The following ACBD5 variants were observed in gnomAD, a reference collection of about 807,000 sequenced individuals.
ACBD5 encodes the protein acyl-CoA binding domain containing 5, also known as acyl-CoA-binding domain-containing protein 5.
A neutral mutation model predicts 71.8 loss-of-function variants in ACBD5; 40 were observed. The ratio of observed to expected loss-of-function variants is 0.56; its 90% CI spans 0.43 to 0.72. The LOEUF is 0.72. Among genes scored for constraint, ACBD5 ranks in the 30% least tolerant of loss-of-function variants. The pLI is 0.00. For synonymous variants in ACBD5, 229 were observed against 218.6 expected (o/e 1.05, Z -0.42); for missense variants, 559 against 644.5 (o/e 0.87, Z 1.44).
At chr10:27,229,850 A>C (rs911451889) in intron 4 of ACBD5, among the ~76,000 whole-genome samples, 7 of 152,220 alleles carry the variant, frequency 4.6e-5, no homozygotes, top group Admixed American at 1.3e-4. Flanking sequence ...TGAAATTTTT[A>C]AAGTGTGAAT....
intron 7 of ACBD5, 109 bp from the exon 8 acceptor site, chr10:27,215,750 A>T: frequency 1.3e-6 from 1 of 785,828 alleles, no homozygotes. Flanking sequence ...CCCAGGCTGG[A>T]GTGCAGTGGT....
chr10:27,223,246 C>T (rs778953526), intron 5 of ACBD5, 92 bp downstream of exon 5: 10 of 906,900 alleles, frequency 1.1e-5, no homozygotes, highest in Admixed American at 1.8e-5. Flanking sequence ...CGGACTGGCG[C>T]GTGAAAGTAA....
At chr10:27,233,882 TA>T (rs1319715315) in intron 3 of ACBD5, among the ~76,000 whole-genome samples, 13 of 151,994 alleles carry the variant, frequency 8.6e-5, no homozygotes, top group Non-Finnish European at 1.5e-4. Flanking sequence ...CTGTCTCTAC[TA>T]AAAATACAAA....
downstream of ACBD5, chr10:27,195,178 T>A: frequency 2.8e-6 from 1 of 354,830 alleles, no homozygotes; most frequent in South Asian, 2.3e-5. Flanking sequence ...TCTTACCTAA[T>A]CAATGGGCTA....
chr10:27,208,030 C>A (rs2060653411), intron 10 of ACBD5, among the ~76,000 whole-genome samples: 1 of 152,166 alleles, frequency 6.6e-6, no homozygotes. Context: ...CCACGGCGCC[C>A]AGCCATTTTT....
chr10:27,208,495 TA>T, intron 9 of ACBD5, 50 bp from the exon 10 acceptor site: 1 of 1,582,016 alleles, frequency 6.3e-7, no homozygotes, highest in South Asian at 1.1e-5. Context: ...CTTATACAAG[TA>T]AAACTGTGTT....
rs1347569385 is a variant in ACBD5, at chr10:27,226,104, A to G, written c.376-2652T>C. ...TTTCAGTAGTTAATATAGTGAAGAC[A>G]CAGTAGCCAAAACAAGACACATCCA... On this transcript the variant is annotated intron_variant, in intron 4 of 12. Transcript: ENST00000396271. 2.0e-5 allele frequency among the ~76,000 whole-genome samples: 3 copies of G among 152,286 alleles called. No homozygotes were observed. In the East Asian group the frequency reaches 5.8e-4, roughly 29 times the overall value.
chr10:27,238,207 C>CGCCTCAGCATCAGCCT (rs1173327565), intron 2 of ACBD5, among the ~76,000 whole-genome samples: 3 of 151,376 alleles, frequency 2.0e-5, no homozygotes, highest in Non-Finnish European at 2.9e-5. Flanking sequence ...GTGATCAGCC[C>CGCCTCAGCATCAGCCT]GCCTCAGCAT....
At chr10:27,218,256 C>T (rs772374955) in intron 6 of ACBD5, 73 bp from the exon 7 acceptor site, 45 of 1,211,380 alleles carry the variant, frequency 3.7e-5, no homozygotes, top group Non-Finnish European at 4.7e-5. Context: ...GTTTTAATAT[C>T]CAGCTGTTAT....
In ACBD5 at chr10:27,210,988, C is replaced by A. The variant is rs200245623; in HGVS notation, c.1030G>T (p.Asp344Tyr). The A allele has an allele frequency of 6.2e-7, 1 of 1,614,126 alleles. No homozygotes were observed. Reference protein sequence around the residue: ...QPMENSGFREDIQVPPGNGNI... With the variant: ...QPMENSGFREYIQVPPGNGNI... ...CCATTTCCAGGAGGTACTTGAATAT[C>A]TTCACGAAATCCAGAATTTTCCATG... Residue 344 changes from aspartate to tyrosine, a missense_variant, in exon 9 of 13, where the codon GAT (aspartate) becomes TAT (tyrosine). Asp to Tyr is a radical substitution (Grantham distance 160). Coordinates refer to ENST00000396271, the MANE Select transcript of ACBD5 (RefSeq NM_145698.5).
intron 12 of ACBD5, among the ~76,000 whole-genome samples, chr10:27,204,129 AC>A (rs1235828836): frequency 1.4e-4 from 14 of 100,398 alleles, no homozygotes; most frequent in Admixed American, 5.9e-4. Context: ...ACAAAACGGG[AC>A]CCAGTCTCAA....
chr10:27,234,730 G>T (rs374274012), intron 3 of ACBD5, among the ~76,000 whole-genome samples: 4 of 152,250 alleles, frequency 2.6e-5, no homozygotes, highest in Admixed American at 2.6e-4. Context: ...CCAGCAGTTC[G>T]AGACCAGCGT....
At chr10:27,185,404 G>A (rs563979143) in intron 13 of ACBD5, among the ~76,000 whole-genome samples, 14 of 151,820 alleles carry the variant, frequency 9.2e-5, no homozygotes, top group East Asian at 5.9e-4. Context: ...AGGCTGAGGC[G>A]GGTGGATCCC....
chr10:27,240,940 A>C, upstream of ACBD5: 1 of 595,818 alleles, frequency 1.7e-6, no homozygotes, highest in South Asian at 2.0e-5. The surrounding 1 kb of genome is among the most constrained non-coding windows in gnomAD (Gnocchi z 4.1). Flanking sequence ...GTCTGTCCCC[A>C]GAGGAGGGTC....
At chr10:27,199,592 A>G (rs1344196626) in intron 12 of ACBD5, among the ~76,000 whole-genome samples, 3 of 152,166 alleles carry the variant, frequency 2.0e-5, no homozygotes, top group Non-Finnish European at 4.4e-5. Flanking sequence ...GCACTGCTGC[A>G]ATTCCTTCCC....
At chr10:27,190,340 C>T (rs1365521706), downstream of ACBD5, among the ~76,000 whole-genome samples, 1 of 151,950 alleles carries the variant, frequency 6.6e-6, no homozygotes, top group Non-Finnish European at 1.5e-5. Context: ...TAAACAAATC[C>T]AGAAATTATG....
intron 5 of ACBD5, among the ~76,000 whole-genome samples, chr10:27,221,358 C>T (rs1005755325): frequency 3.9e-5 from 6 of 152,082 alleles, no homozygotes; most frequent in Non-Finnish European, 7.4e-5. Flanking sequence ...GGTTTTACTC[C>T]CCAGATTTTT....
chr10:27,208,382 C>T lies in ACBD5; in HGVS notation c.1268G>A (p.Gly423Glu), dbSNP rs781128539. ...KGRQVGSGGD[G>E]ERWGSDRGSR... ...CCCTCTGTCGGAGCCCCAGCGCTCC[C>T]CATCACCTCCACTTCCCACCTGCCG... is the stretch of plus-strand genomic sequence containing the variant. Residue 423 changes from glycine (G) to glutamate (E), a missense_variant, in exon 10 of 13, where the codon GGG becomes GAG. Transcript: ENST00000396271. 1.7e-5 allele frequency: 28 copies of T among 1,613,990 alleles called. No homozygotes were observed. In the South Asian group the frequency reaches 2.4e-4, roughly 14 times the overall value.
intron 13 of ACBD5, chr10:27,186,649 C>T (rs2136291810): frequency 2.0e-6 from 2 of 1,002,026 alleles, no homozygotes; most frequent in Non-Finnish European, 1.6e-6. Flanking sequence ...TAACCTAGTT[C>T]AATGTGCTTT....
Sources: gnomAD v4.1 joint callset for allele counts (sites outside exome capture counted in the v4.1 genomes callset) on GRCh38, gnomAD v4.1.1 for gene constraint, Gnocchi (gnomAD v3.1) non-coding constraint, MANE v1.5 for transcripts, NCBI Gene and HGNC (gene_info 2026-07-23, HGNC 2026-07-21) for gene names.